AFF3: variants seen among roughly 807,000 people sequenced by gnomAD.
AFF3 encodes AF4/FMR2 family member 3.
AFF3 carries 32 observed loss-of-function variants against 129.7 expected under a neutral mutation model. The ratio of observed to expected loss-of-function variants is 0.25; its 90% CI spans 0.19 to 0.33. The LOEUF is 0.33. Among genes scored for constraint, AFF3 ranks in the 10% least tolerant of loss-of-function variants. AFF3 has a pLI of 1.00. For synonymous variants in AFF3, 644 were observed against 635.4 expected, an observed-to-expected ratio of 1.01 and a Z score of -0.20; for missense variants, 1,373 against 1,592.0, an observed-to-expected ratio of 0.86 and a Z score of 2.34.
At chr2:99,642,480 T>G (rs966656622) in intron 13 of AFF3, among the ~76,000 whole-genome samples, 4 of 152,212 alleles carry the variant, frequency 2.6e-5, no homozygotes, top group African/African-American at 9.6e-5. Flanking sequence ...CAAGGATGGA[T>G]AGCCACAGTT....
chr2:99,589,250 C>G (rs1678417451), intron 15 of AFF3, among the ~76,000 whole-genome samples: 1 of 152,044 alleles, frequency 6.6e-6, no homozygotes, highest in Non-Finnish European at 1.5e-5. Flanking sequence ...AAAGACTGAG[C>G]ACCAGCAAGT....
chr2:99,660,454 G>T (rs901921810), intron 12 of AFF3, among the ~76,000 whole-genome samples: 5 of 152,176 alleles, frequency 3.3e-5, no homozygotes, highest in Non-Finnish European at 5.9e-5. Context: ...ATTGCACTTT[G>T]CAAACCAATT....
At chr2:99,556,515 G>A (rs1474859935) in intron 22 of AFF3, among the ~76,000 whole-genome samples, 2 of 152,154 alleles carry the variant, frequency 1.3e-5, no homozygotes, top group Non-Finnish European at 2.9e-5. Flanking sequence ...AGAAATACCG[G>A]TAGGAACAAA....
intron 7 of AFF3, among the ~76,000 whole-genome samples, chr2:99,988,153 C>A (rs1042255430): frequency 6.6e-6 from 1 of 152,046 alleles, no homozygotes; most frequent in Admixed American, 6.6e-5. Context: ...AGATGGTAGA[C>A]AACAGAGAAG....
intron 8 of AFF3, among the ~76,000 whole-genome samples, chr2:99,810,941 C>T (rs372539896): frequency 2.4e-4 from 36 of 152,258 alleles, no homozygotes; most frequent in African/African-American, 7.7e-4. Context: ...AATTCTCTTT[C>T]CTCTGTCTTC....
At chr2:100,053,733 T>C (rs1686540776) in intron 4 of AFF3, among the ~76,000 whole-genome samples, 1 of 152,212 alleles carries the variant, frequency 6.6e-6, no homozygotes, top group South Asian at 2.1e-4. Context: ...ATGGTAGCCC[T>C]GCACTCACTT....
intron 5 of AFF3, among the ~76,000 whole-genome samples, chr2:100,008,175 C>G (rs1014271774): frequency 7.9e-5 from 12 of 152,122 alleles, no homozygotes; most frequent in African/African-American, 2.9e-4. Context: ...CGGGATTAGT[C>G]TAAATATCAT....
chr2:100,116,094 C>T (rs528511000), intron 2 of AFF3, among the ~76,000 whole-genome samples: 1 of 152,190 alleles, frequency 6.6e-6, no homozygotes, highest in African/African-American at 2.4e-5. Context: ...TGAGTGGTCT[C>T]TCCTAATCTC....
intron 12 of AFF3, among the ~76,000 whole-genome samples, chr2:99,668,682 C>T (rs12466457): frequency 0.15 from 22,612 of 151,866 alleles, 2,093 homozygotes; most frequent in South Asian, 0.26. Context: ...CCTGCCTCAG[C>T]ATCCTAAGTA....
chr2:99,588,415 C>T (rs542808490), intron 15 of AFF3, among the ~76,000 whole-genome samples: 20 of 152,212 alleles, frequency 1.3e-4, no homozygotes, highest in African/African-American at 4.3e-4. Flanking sequence ...TGGGCTCAAG[C>T]GATCCTCCCA....
At chr2:99,737,065 C>A (rs1680321342) in intron 10 of AFF3, among the ~76,000 whole-genome samples, 1 of 151,856 alleles carries the variant, frequency 6.6e-6, no homozygotes, top group African/African-American at 2.4e-5. Flanking sequence ...AGGTTAAATA[C>A]CTTTTAGTAT....
At chr2:99,903,857 T>C (rs1033976903) in intron 7 of AFF3, among the ~76,000 whole-genome samples, 9 of 152,110 alleles carry the variant, frequency 5.9e-5, no homozygotes, top group African/African-American at 2.2e-4. Context: ...CTAAATACAT[T>C]ACAGGAAGTC....
intron 7 of AFF3, among the ~76,000 whole-genome samples, chr2:99,969,591 A>C (rs1365535326): frequency 2.6e-5 from 4 of 152,020 alleles, no homozygotes; most frequent in Non-Finnish European, 4.4e-5. Flanking sequence ...CAGGCTCAAA[A>C]GATTCTCCTG....
intron 7 of AFF3, among the ~76,000 whole-genome samples, chr2:99,957,634 G>A (rs946381725): frequency 2.0e-5 from 3 of 152,202 alleles, no homozygotes; most frequent in African/African-American, 4.8e-5. Context: ...GGCCCATCCA[G>A]GTTAGAAAGA....
intron 4 of AFF3, among the ~76,000 whole-genome samples, chr2:100,015,670 T>C (rs900717771): frequency 6.6e-6 from 1 of 152,226 alleles, no homozygotes; most frequent in Admixed American, 6.5e-5. Flanking sequence ...ACTTGCAAAT[T>C]CCCTTCTTAA....
At chr2:100,052,976 G>A (rs1300521680) in intron 4 of AFF3, among the ~76,000 whole-genome samples, 2 of 152,216 alleles carry the variant, frequency 1.3e-5, no homozygotes, top group Non-Finnish European at 2.9e-5. Context: ...CAGGGCTTCT[G>A]TTAAAAGGTG....
chr2:100,003,904 A>G (rs2104707963), intron 7 of AFF3, among the ~76,000 whole-genome samples: 1 of 152,268 alleles, frequency 6.6e-6, no homozygotes, highest in African/African-American at 2.4e-5. Flanking sequence ...AGAAACTGCA[A>G]ATTAAAAGCT....
At chr2:99,800,563 G>A (rs769048712) in intron 8 of AFF3, among the ~76,000 whole-genome samples, 6 of 152,116 alleles carry the variant, frequency 3.9e-5, no homozygotes, top group Non-Finnish European at 7.4e-5. Context: ...CCACTCCTAG[G>A]TATTTACCCC....
intron 4 of AFF3, among the ~76,000 whole-genome samples, chr2:100,059,291 CAAT>C (rs1197870030): frequency 7.3e-6 from 1 of 136,060 alleles, no homozygotes; most frequent in East Asian, 2.3e-4. Flanking sequence ...CAATGGATCT[CAAT>C]AGACATTTCT....
Sources: gnomAD v4.1 joint callset for allele counts (sites outside exome capture counted in the v4.1 genomes callset) on GRCh38, gnomAD v4.1.1 for gene constraint, MANE v1.5 for transcripts, NCBI Gene and HGNC (gene_info 2026-07-23, HGNC 2026-07-21) for gene names.